Variants in MIAT observed in about 807,000 individuals in gnomAD.
MIAT encodes the protein myocardial infarction associated transcript.
intron 2 of MIAT, chr22:26,657,475 G>A (rs1930502263): frequency 1.5e-5 from 6 of 398,554 alleles, no homozygotes; most frequent in Non-Finnish European, 2.7e-5. Flanking sequence ...TTTCATGGGC[G>A]CTGCAGCAGC....
At chr22:26,675,540 C>G (rs1312131334) in exon 5 of MIAT, 1 of 398,502 alleles carries the variant, frequency 2.5e-6, no homozygotes, top group Non-Finnish European at 4.4e-6. Flanking sequence ...CTAGGAAGAC[C>G]CTTTGGTCCA....
At chr22:26,672,324 A>C (rs1023515567), downstream of MIAT, 1 of 399,002 alleles carries the variant, frequency 2.5e-6, no homozygotes, top group Non-Finnish European at 4.4e-6. Flanking sequence ...CAGATGTCCC[A>C]CTTTGCTGCC....
intron 2 of MIAT, among the ~76,000 whole-genome samples, chr22:26,659,108 G>T (rs1930563505): frequency 6.6e-6 from 1 of 152,132 alleles, no homozygotes; most frequent in African/African-American, 2.4e-5. Flanking sequence ...AGCAGGTTTG[G>T]GGTGGGGCTG....
At chr22:26,659,457 A>G (rs1448886721) in intron 2 of MIAT, among the ~76,000 whole-genome samples, 1 of 152,176 alleles carries the variant, frequency 6.6e-6, no homozygotes, top group Non-Finnish European at 1.5e-5. Flanking sequence ...AACAGGGAAG[A>G]GTGGTGAAGT....
At chr22:26,672,672 A>G, downstream of MIAT, 2 of 399,064 alleles carry the variant, frequency 5.0e-6, no homozygotes, top group Non-Finnish European at 8.8e-6. Context: ...AGGGGGGCGT[A>G]TCCCACGAGG....
intron 2 of MIAT, among the ~76,000 whole-genome samples, chr22:26,649,762 A>G (rs1367316497): frequency 6.6e-6 from 1 of 152,128 alleles, no homozygotes; most frequent in Non-Finnish European, 1.5e-5. Context: ...AAAATACAAA[A>G]ATTAGCTGGG....
intron 2 of MIAT, among the ~76,000 whole-genome samples, chr22:26,662,630 C>T (rs1463172329): frequency 1.3e-5 from 2 of 152,214 alleles, no homozygotes; most frequent in Middle Eastern, 3.2e-3. Context: ...TCCTGCGAGG[C>T]GCGTGGCACA....
At chr22:26,665,138 G>A (rs1457880077) in intron 3 of MIAT, among the ~76,000 whole-genome samples, 1 of 152,110 alleles carries the variant, frequency 6.6e-6, no homozygotes, top group African/African-American at 2.4e-5. Context: ...CTACTTAGGA[G>A]GCTTAGGCAG....
downstream of MIAT, chr22:26,674,526 A>C: frequency 2.5e-6 from 1 of 398,818 alleles, no homozygotes; most frequent in Non-Finnish European, 4.4e-6. Context: ...GTTGAATGCT[A>C]GTCTGGTGCT....
At chr22:26,654,700 T>C (rs1161733023) in intron 2 of MIAT, among the ~76,000 whole-genome samples, 1 of 151,958 alleles carries the variant, frequency 6.6e-6, no homozygotes, top group Non-Finnish European at 1.5e-5. Flanking sequence ...CTCAAAACAT[T>C]TATTTATTTA....
chr22:26,661,947 T>TGG (rs1930688267), intron 2 of MIAT, among the ~76,000 whole-genome samples: 1 of 37,310 alleles, frequency 2.7e-5, no homozygotes, highest in Non-Finnish European at 5.2e-5. Context: ...TATATATATA[T>TGG]ATATATATAT....
chr22:26,662,196 A>G (rs1272111231), intron 2 of MIAT, among the ~76,000 whole-genome samples: 2 of 151,874 alleles, frequency 1.3e-5, no homozygotes, highest in Non-Finnish European at 2.9e-5. Context: ...GCCTCAAGCA[A>G]TTCTCCTGCC....
At chr22:26,673,055 G>A (rs957897235), downstream of MIAT, 5 of 398,544 alleles carry the variant, frequency 1.3e-5, no homozygotes, top group Non-Finnish European at 2.2e-5. Context: ...GAAGCTAGAG[G>A]GCGTTAGTTG....
intron 2 of MIAT, among the ~76,000 whole-genome samples, chr22:26,648,655 T>G (rs1164043614): frequency 6.6e-6 from 1 of 152,062 alleles, no homozygotes; most frequent in African/African-American, 2.4e-5. Flanking sequence ...ACCTGATAAT[T>G]TTTTTTAAGT....
At chr22:26,655,410 CT>C (rs1258910807) in intron 2 of MIAT, among the ~76,000 whole-genome samples, 1 of 152,204 alleles carries the variant, frequency 6.6e-6, no homozygotes, top group Non-Finnish European at 1.5e-5. Flanking sequence ...CATTGCCTCT[CT>C]GAGCCTCTTT....
chr22:26,648,353 T>C (rs4822758), intron 2 of MIAT, among the ~76,000 whole-genome samples: 67,089 of 151,942 alleles, frequency 0.44, 15,001 homozygotes, highest in South Asian at 0.53. Context: ...GACACGGCCC[T>C]GCACGCACGT....
At chr22:26,653,554 T>G (rs1377062828) in intron 2 of MIAT, among the ~76,000 whole-genome samples, 1 of 152,160 alleles carries the variant, frequency 6.6e-6, no homozygotes, top group African/African-American at 2.4e-5. Flanking sequence ...TGAGATAATA[T>G]GCAGAAAAAA....
At chr22:26,667,411 C>CGTGTGT (rs1569222712) in intron 5 of MIAT, 5 of 368,918 alleles carry the variant, frequency 1.4e-5, no homozygotes, top group Non-Finnish European at 2.4e-5. Context: ...TGTGTGTGCG[C>CGTGTGT]GTGTATGTGT....
exon 6 of MIAT, chr22:26,669,174 A>G (rs1930958377): frequency 7.5e-6 from 3 of 398,638 alleles, no homozygotes; most frequent in Admixed American, 8.8e-5. Context: ...AGCGTTTGCA[A>G]GAGAGCAGCT....
Sources: gnomAD v4.1 joint callset for allele counts (sites outside exome capture counted in the v4.1 genomes callset) on GRCh38, gnomAD v4.1.1 for gene constraint, MANE v1.5 for transcripts, NCBI Gene and HGNC (gene_info 2026-07-23, HGNC 2026-07-21) for gene names.